MYO5B: variants seen among roughly 807,000 people sequenced by gnomAD.
The protein encoded by MYO5B is unconventional myosin-Vb.
MYO5B carries 143 observed loss-of-function variants against 229.3 expected under a neutral mutation model. The ratio of observed to expected loss-of-function variants is 0.62; its 90% CI spans 0.54 to 0.72. The LOEUF is 0.72. Among genes scored for constraint, MYO5B ranks in the 30% least tolerant of loss-of-function variants. The probability of loss-of-function intolerance (pLI) is 0.00; values close to 1 mark genes in which losing one functional copy is unlikely to be tolerated. For missense variants in MYO5B, 2,321 were observed against 2,331.0 expected, an observed-to-expected ratio of 1.00 and a Z score of 0.09; for synonymous variants, 918 against 885.2, an observed-to-expected ratio of 1.04 and a Z score of -0.66.
intron 12 of MYO5B, among the ~76,000 whole-genome samples, chr18:49,958,858 G>A (rs569698708): frequency 2.6e-5 from 4 of 152,136 alleles, no homozygotes; most frequent in African/African-American, 9.7e-5. Flanking sequence ...TGGCCTCAGG[G>A]TGCTGCCCCC....
chr18:50,002,026 A>G (rs1024172736), intron 4 of MYO5B, among the ~76,000 whole-genome samples: 3 of 96,084 alleles, frequency 3.1e-5, no homozygotes, highest in African/African-American at 1.3e-4. Context: ...ACAGAGCAAA[A>G]CTCCGTCTCA....
chr18:50,185,949 A>C (rs1244503642), intron 1 of MYO5B, among the ~76,000 whole-genome samples: 1 of 152,234 alleles, frequency 6.6e-6, no homozygotes, highest in Non-Finnish European at 1.5e-5. Flanking sequence ...GCATAAGTCT[A>C]AAGCAGCACT....
At chr18:49,858,621 C>T (rs1387355386) in intron 29 of MYO5B, among the ~76,000 whole-genome samples, 1 of 152,244 alleles carries the variant, frequency 6.6e-6, no homozygotes, top group East Asian at 1.9e-4. Context: ...TAGGGTGGGG[C>T]ACGCGAAGCT....
chr18:49,992,818 C>G (rs1307763608), intron 5 of MYO5B, among the ~76,000 whole-genome samples: 1 of 152,172 alleles, frequency 6.6e-6, no homozygotes, highest in Non-Finnish European at 1.5e-5. Context: ...GAGACCTTAG[C>G]TGTGACATTC....
At chr18:49,992,555 G>A in intron 5 of MYO5B, 124 bp from the exon 6 acceptor site, 2 of 1,383,622 alleles carry the variant, frequency 1.4e-6, no homozygotes, top group Non-Finnish European at 1.0e-6. Flanking sequence ...TCTGTTCTTG[G>A]GATGACAATG....
At position 49,984,630 on chromosome 18, in the gene MYO5B, T is replaced by G. The variant is rs1159165594; in HGVS notation, c.946+88A>C. The G allele has an allele frequency of 2.1e-5, 22 of 1,038,048 alleles. 1 individual carries two copies. In the Admixed American group the frequency reaches 3.7e-4, roughly 18 times the overall value. 64.3% of individuals were successfully genotyped at this position (1,038,048 alleles called of 1,614,324 possible). A position where few individuals can be genotyped will look rare whatever the true frequency, so the allele number is the denominator to read the frequency against. ...TCTCCCATTAGCTCCTGCAGGTTGC[T>G]GGCAAGCACAGTGGGACATCGCCTT... On this transcript the variant is annotated intron_variant, in intron 8 of 39. Coordinates refer to ENST00000285039, the MANE Select transcript of MYO5B (RefSeq NM_001080467.3).
At chr18:50,080,162 C>T (rs1259744703) in intron 1 of MYO5B, among the ~76,000 whole-genome samples, 1 of 152,178 alleles carries the variant, frequency 6.6e-6, no homozygotes, top group East Asian at 1.9e-4. Flanking sequence ...TCAACCAGTA[C>T]CGCTTTAAAA....
Position 49,880,375 on chromosome 18 carries a change from A to C in MYO5B, c.3126T>G (p.Ser1042=). The change falls in exon 23 of 40, where the codon TCT becomes TCG. Residue 1042 remains serine, a synonymous_variant. Coordinates refer to ENST00000285039, the MANE Select transcript of MYO5B (RefSeq NM_001080467.3). ...CTCAAGTGCTTTGGTACTTACCTTTAGACTGGCACAGGATTTGGTTGTTGA... is the reference window on the plus strand; with the variant it reads ...CTCAAGTGCTTTGGTACTTACCTTTCGACTGGCACAGGATTTGGTTGTTGA... ...EQLNNQILCQ[S]KDEFAQNSVK... 6.2e-7 allele frequency: 1 copy of C among 1,613,622 alleles called. No homozygotes were observed. The highest frequency in any genetic ancestry group is 8.5e-7 in the Non-Finnish European group (1 of 1,179,526).
chr18:49,963,041 G>T lies in MYO5B; in HGVS notation c.1323-11C>A. 3 of 1,610,420 alleles carry T rather than the reference G, an allele frequency of 1.9e-6. No homozygotes were observed. The highest frequency in any genetic ancestry group is 2.5e-6 in the Non-Finnish European group (3 of 1,176,714). ...TCAAATGTCTCAAACCTACAGAATG[G>T]AAAGAGAAGATAAGAGACGTCTCCT... On this transcript the variant is annotated splice_polypyrimidine_tract_variant and intron_variant, in intron 10 of 39. Coordinates refer to ENST00000285039, the MANE Select transcript of MYO5B (RefSeq NM_001080467.3).
chr18:50,044,740 A>T (rs1183143596), intron 2 of MYO5B, among the ~76,000 whole-genome samples: 1 of 152,220 alleles, frequency 6.6e-6, no homozygotes, highest in Non-Finnish European at 1.5e-5. Context: ...CTGTTAATAC[A>T]AAGTGACTGA....
At chr18:50,115,682 A>C (rs150918827) in intron 1 of MYO5B, among the ~76,000 whole-genome samples, 283 of 152,290 alleles carry the variant, frequency 1.9e-3, no homozygotes, top group Middle Eastern at 6.8e-3. Context: ...AGAATCTTAC[A>C]GAATAGTCTA....
At chr18:50,009,355 G>T (rs543086298) in intron 4 of MYO5B, among the ~76,000 whole-genome samples, 1 of 152,262 alleles carries the variant, frequency 6.6e-6, no homozygotes, top group East Asian at 1.9e-4. Flanking sequence ...TCCAGCCTGG[G>T]CAATAGAGCA....
chr18:50,074,853 C>A (rs1228866720), intron 1 of MYO5B, among the ~76,000 whole-genome samples: 1 of 152,124 alleles, frequency 6.6e-6, no homozygotes, highest in East Asian at 1.9e-4. Flanking sequence ...TGGAGTCTCA[C>A]TCTGTCGCCC....
chr18:49,826,036 T>G lies in MYO5B; in HGVS notation c.*435A>C, dbSNP rs2023839796. The G allele has an allele frequency of 1.9e-5, 4 of 209,434 alleles. No homozygotes were observed. In the South Asian group the frequency reaches 3.2e-4, roughly 17 times the overall value. The allele number at this position is 209,434 out of a possible 1,614,324, so 13.0% of individuals were successfully genotyped here. A position where few individuals can be genotyped will look rare whatever the true frequency, so the allele number is the denominator to read the frequency against. ...CTTTGGGAAATGTCAGTATATGCCA[T>G]TATCATGGTTATTAGTACCATTATT... On this transcript the variant is annotated 3_prime_UTR_variant, in exon 40 of 40. Coordinates refer to ENST00000285039, the MANE Select transcript of MYO5B (RefSeq NM_001080467.3).
intron 1 of MYO5B, among the ~76,000 whole-genome samples, chr18:50,120,782 T>C (rs1391449672): frequency 6.6e-6 from 1 of 152,162 alleles, no homozygotes; most frequent in Non-Finnish European, 1.5e-5. Flanking sequence ...GAGTCCCCAT[T>C]CTTAATGTAC....
intron 17 of MYO5B, among the ~76,000 whole-genome samples, chr18:49,918,134 C>T (rs1295989746): frequency 2.6e-5 from 4 of 152,204 alleles, no homozygotes; most frequent in Admixed American, 1.3e-4. Flanking sequence ...GTTTGGCTAA[C>T]GGAGGTCCCA....
chr18:50,164,993 G>A (rs971149528), intron 1 of MYO5B, among the ~76,000 whole-genome samples: 2 of 152,334 alleles, frequency 1.3e-5, no homozygotes, highest in South Asian at 2.1e-4. Context: ...GGAGGAGTTC[G>A]CAGCTTATTT....
chr18:50,165,713 T>C (rs2032839001), intron 1 of MYO5B, among the ~76,000 whole-genome samples: 1 of 151,456 alleles, frequency 6.6e-6, no homozygotes, highest in Non-Finnish European at 1.5e-5. Context: ...GAAGCAGAGG[T>C]TGCAGTGAGC....
intron 21 of MYO5B, among the ~76,000 whole-genome samples, chr18:49,899,251 T>C (rs538576850): frequency 9.9e-5 from 15 of 151,890 alleles, no homozygotes; most frequent in African/African-American, 2.4e-4. Context: ...CCAGGAATTA[T>C]AGGAAAAAAA....
Sources: gnomAD v4.1 joint callset for allele counts (sites outside exome capture counted in the v4.1 genomes callset) on GRCh38, gnomAD v4.1.1 for gene constraint, MANE v1.5 for transcripts, NCBI Gene and HGNC (gene_info 2026-07-23, HGNC 2026-07-21) for gene names.